RAPGEF3: variants seen among roughly 807,000 people sequenced by gnomAD.
RAPGEF3 encodes the protein Rap guanine nucleotide exchange factor 3.
In RAPGEF3, 103 loss-of-function variants were observed where a neutral mutation model predicts 129.8. That is an observed-to-expected ratio of 0.79 (90% confidence interval 0.68 to 0.93). The LOEUF is 0.93. Among genes scored for constraint, RAPGEF3 ranks in the 40% least tolerant of loss-of-function variants. The pLI, the probability that RAPGEF3 is intolerant of heterozygous loss-of-function variation, is 0.00. For synonymous variants in RAPGEF3, 436 were observed against 482.6 expected, an observed-to-expected ratio of 0.90 and a Z score of 1.26; for missense variants, 1,117 against 1,207.4, an observed-to-expected ratio of 0.93 and a Z score of 1.11.
intron 23 of RAPGEF3, 136 bp from the exon 24 acceptor site, chr12:47,739,366 C>T: frequency 1.3e-6 from 1 of 741,150 alleles, no homozygotes; most frequent in Non-Finnish European, 2.4e-6. Flanking sequence ...AGCCCCAGGT[C>T]TCACCCAGGC....
At chr12:47,752,004 G>A in intron 2 of RAPGEF3, 35 bp from the exon 3 acceptor site, 1 of 1,610,940 alleles carries the variant, frequency 6.2e-7, no homozygotes, top group Non-Finnish European at 8.5e-7. Context: ...ACATCAGTGT[G>A]AGGTCTTCAA....
chr12:47,737,926 C>A, intron 27 of RAPGEF3, 96 bp downstream of exon 27: 1 of 1,454,480 alleles, frequency 6.9e-7, no homozygotes, highest in Admixed American at 1.7e-5. Context: ...GGCCGGGCTC[C>A]GTGCCTGGCA....
chr12:47,738,036 G>T lies in RAPGEF3; in HGVS notation c.2639C>A (p.Ala880Glu). The T allele has an allele frequency of 1.4e-6, 2 of 1,477,372 alleles. No individual in the cohort carries two copies. The highest frequency in any genetic ancestry group is 1.8e-6 in the Non-Finnish European group (2 of 1,093,614). 91.5% of individuals were successfully genotyped at this position (1,477,372 alleles called of 1,614,324 possible). A position where few individuals can be genotyped will look rare whatever the true frequency, so the allele number is the denominator to read the frequency against. Residue 880 changes from alanine to glutamate, a missense_variant, in exon 27 of 28, where the codon GCG (alanine) becomes GAG (glutamate). Ala to Glu is a moderately radical substitution (Grantham distance 107). This residue lies in a region of RAPGEF3 where 643 missense variants were observed against 673.4 expected (regional missense o/e 0.95). Coordinates refer to ENST00000449771, the MANE Select transcript of RAPGEF3 (RefSeq NM_001098531.4). ...CCACCACTTACATGTGGAAATCCTCGCCACCTGGCTGTCCTCGTGGAGGTG... is the reference window on the plus strand; with the variant it reads ...CCACCACTTACATGTGGAAATCCTCTCCACCTGGCTGTCCTCGTGGAGGTG... Reference protein sequence around the residue: ...VSHLHEDSQVARISTCSEQSL... With the variant: ...VSHLHEDSQVERISTCSEQSL...
In RAPGEF3 at chr12:47,749,431, A is replaced by T. The variant is rs746964989; in HGVS notation, c.1000T>A (p.Phe334Ile). 6.2e-7 allele frequency: 1 copy of T among 1,613,388 alleles called. No individual in the cohort carries two copies. Among genetic ancestry groups the T allele is most frequent in the South Asian group, 1.1e-5 (1 of 91,080 alleles). Reference sequence around the variant, plus strand: ...AAGTCCTGCTTGTCCACACGCAGGAAATGACAGTTGTCTTCTCGCAGGATG... The same window carrying T: ...AAGTCCTGCTTGTCCACACGCAGGATATGACAGTTGTCTTCTCGCAGGATG... ...TIILREDNCH[F>I]LRVDKQDFNR... is the part of the protein sequence containing the mutation. Residue 334 changes from phenylalanine to isoleucine, a missense_variant, in exon 10 of 28, where the codon TTC becomes ATC. Transcript: ENST00000449771. The surrounding 1 kb of genome is among the most constrained non-coding windows in gnomAD (Gnocchi z 4.5).
Position 47,739,163 on chromosome 12 carries a change from A to T in RAPGEF3, c.2441T>A (p.Phe814Tyr). Reference sequence around the variant, plus strand: ...GTTACCTTTGAGAAGAAGGGGCATGAAGGGGATGACAGGAGGGGAGAGCTT... The same window carrying T: ...GTTACCTTTGAGAAGAAGGGGCATGTAGGGGATGACAGGAGGGGAGAGCTT... ...LAKLSPPVIPFMPLLLKDMTF... is the reference protein window; with the variant it reads ...LAKLSPPVIPYMPLLLKDMTF... The change falls in exon 24 of 28, where the codon TTC (phenylalanine) becomes TAC (tyrosine). Residue 814 changes from phenylalanine (F) to tyrosine (Y), a missense_variant. Around this residue, in one of 3 missense-constraint regions of RAPGEF3, gnomAD observed 643 missense variants for 673.4 expected, o/e 0.95. Transcript: ENST00000449771. The T allele has an allele frequency of 6.2e-7, 1 of 1,605,250 alleles. No individual in the cohort carries two copies. The highest frequency in any genetic ancestry group is 8.5e-7 in the Non-Finnish European group (1 of 1,175,734).
intron 2 of RAPGEF3, chr12:47,756,560 C>T (rs991363478): frequency 6.6e-6 from 1 of 152,200 alleles, no homozygotes; most frequent in African/African-American, 2.4e-5. Context: ...AGGAGCCCCT[C>T]ATCTTGGTAG....
rs1335279111 is a variant in RAPGEF3 at position 47,739,209 on chromosome 12, C to T, written c.2395G>A (p.Val799Ile). ...RLLDPSWNHR[V>I]YRLALAKLSP... Reference sequence around the variant, plus strand: ...AGCTTGGCGAGGGCCAGTCGGTATACCCGGTGGTTCCATGAGGGATCCTAG... The same window carrying T: ...AGCTTGGCGAGGGCCAGTCGGTATATCCGGTGGTTCCATGAGGGATCCTAG... The change falls in exon 24 of 28, where the codon GTA becomes ATA. Residue 799 changes from valine to isoleucine, a missense_variant. Transcript: ENST00000449771. 4 of 1,611,858 alleles carry T rather than the reference C, an allele frequency of 2.5e-6. No individual in the cohort carries two copies. Among genetic ancestry groups the T allele is most frequent in the Non-Finnish European group, 3.4e-6 (4 of 1,178,464 alleles).
chr12:47,750,131 G>T, intron 7 of RAPGEF3, 141 bp from the exon 8 acceptor site: 1 of 1,173,310 alleles, frequency 8.5e-7, no homozygotes, highest in African/African-American at 1.5e-5. Flanking sequence ...CCAGGATTCA[G>T]CAGGAGACAA....
intron 1 of RAPGEF3, 179 bp from the exon 2 acceptor site, chr12:47,758,257 G>A: frequency 7.0e-7 from 1 of 1,433,024 alleles, no homozygotes; most frequent in Admixed American, 2.8e-5. Context: ...GGGCCTGCCG[G>A]TCTGGCGCAC....
At chr12:47,745,735 T>C (rs1363988337) in intron 16 of RAPGEF3, 1 of 152,154 alleles carries the variant, frequency 6.6e-6, no homozygotes. Context: ...TCACGGGTTG[T>C]TGAACTGCTC....
chr12:47,737,994 T>G, intron 27 of RAPGEF3, 28 bp downstream of exon 27: 266 of 818,652 alleles, frequency 3.2e-4, no homozygotes, highest in Non-Finnish European at 4.8e-4. Context: ...ACCCCCTCCC[T>G]GCCCACCCAC....
intron 27 of RAPGEF3, 143 bp downstream of exon 27, chr12:47,737,879 C>T: frequency 8.1e-7 from 1 of 1,232,168 alleles, no homozygotes; most frequent in South Asian, 1.3e-5. Context: ...TGGCTCAGAG[C>T]ACAGAGGCTG....
At chr12:47,742,961 A>G (rs1009563040) in intron 18 of RAPGEF3, among the ~76,000 whole-genome samples, 1 of 152,228 alleles carries the variant, frequency 6.6e-6, no homozygotes, top group Non-Finnish European at 1.5e-5. Flanking sequence ...AAGACTACTT[A>G]AGTTCCAAGA....
Position 47,734,803 on chromosome 12 carries a change from C to G in RAPGEF3, c.*2764G>C, listed in dbSNP as rs1289313924. On this transcript the variant is annotated 3_prime_UTR_variant, in exon 28 of 28. Coordinates refer to ENST00000449771, the MANE Select transcript of RAPGEF3 (RefSeq NM_001098531.4). ...AAGGCAGACATGCCCCCACCCAGCT[C>G]TAACTCAGTGCTGAGTGGAGGGGGA... 1 of 152,302 alleles carries G rather than the reference C, an allele frequency of 6.6e-6. No homozygotes were observed. The highest frequency in any genetic ancestry group is 2.4e-5 in the African/African-American group (1 of 41,486). 9.4% of individuals were successfully genotyped at this position (152,302 alleles called of 1,614,324 possible). A position where few individuals can be genotyped will look rare whatever the true frequency, so the allele number is the denominator to read the frequency against.
chr12:47,747,211 A>C (rs1941472641), intron 15 of RAPGEF3, among the ~76,000 whole-genome samples: 1 of 152,180 alleles, frequency 6.6e-6, no homozygotes, highest in South Asian at 2.1e-4. Flanking sequence ...ATATCTGCAA[A>C]GGTGAAGGTA....
In RAPGEF3 at chr12:47,747,605, T is replaced by A; in HGVS notation, c.1495A>T (p.Arg499Trp). ...AGCAGGTTGCTGAGTCGGGTGTCCCTGCCCACCAGGTCTGAGAGTTTCTAA... is the reference window on the plus strand; with the variant it reads ...AGCAGGTTGCTGAGTCGGGTGTCCCAGCCCACCAGGTCTGAGAGTTTCTAA... ...FLQKLSDLVG[R>W]DTRLSNLLRE... Residue 499 changes from arginine to tryptophan, a missense_variant, in exon 15 of 28, where the codon AGG (arginine) becomes TGG (tryptophan). Transcript: ENST00000449771. The A allele has an allele frequency of 6.2e-7, 1 of 1,614,116 alleles. No homozygotes were observed. Among genetic ancestry groups the A allele is most frequent in the Non-Finnish European group, 8.5e-7 (1 of 1,179,960 alleles).
At position 47,747,596 on chromosome 12, in the gene RAPGEF3, G is replaced by A. The variant is rs770919870; in HGVS notation, c.1504C>T (p.Arg502Ter). The A allele has an allele frequency of 4.0e-5, 65 of 1,613,954 alleles. 1 individual carries two copies. Among genetic ancestry groups the A allele is most frequent in the South Asian group, 1.5e-4 (14 of 91,090 alleles). The stretch of plus-strand genomic sequence containing the variant: ...TGCTCCCTCAGCAGGTTGCTGAGTC[G>A]GGTGTCCCTGCCCACCAGGTCTGAG... Reference protein sequence around the residue: ...KLSDLVGRDTRLSNLLREQWP... With the variant: ...KLSDLVGRDT Residue 502 changes from arginine (R) to a stop codon, truncating the protein, a stop_gained, in exon 15 of 28, where the codon CGA becomes TGA. Coordinates refer to ENST00000449771, the MANE Select transcript of RAPGEF3 (RefSeq NM_001098531.4). LOFTEE classifies it high-confidence loss of function.
chr12:47,743,607 C>G lies in RAPGEF3; in HGVS notation c.1748G>C (p.Arg583Thr), dbSNP rs773048989. The change falls in exon 18 of 28, where the codon AGA becomes ACA. Residue 583 changes from arginine to threonine, a missense_variant. By Grantham distance (71) the Arg-to-Thr change is moderately conservative. This residue lies in a region of RAPGEF3 where 643 missense variants were observed against 673.4 expected (regional missense o/e 0.95). Coordinates refer to ENST00000449771, the MANE Select transcript of RAPGEF3 (RefSeq NM_001098531.4). ...CTGGGCCAACGCTGCCATCACCTCT[C>G]TCACGGAGGCTGTCACAGGCAGCTG... ...TLQLPVTASV[R>T]EVMAALAQED... The G allele has an allele frequency of 6.2e-7, 1 of 1,614,098 alleles. No homozygotes were observed. The highest frequency in any genetic ancestry group is 8.5e-7 in the Non-Finnish European group (1 of 1,179,908).
intron 15 of RAPGEF3, among the ~76,000 whole-genome samples, chr12:47,747,266 G>C (rs992340395): frequency 6.6e-6 from 1 of 152,210 alleles, no homozygotes; most frequent in African/African-American, 2.4e-5. Flanking sequence ...AGCTGGCACT[G>C]AGGGTATTTG....
Sources: gnomAD v4.1 joint callset for allele counts (sites outside exome capture counted in the v4.1 genomes callset) on GRCh38, gnomAD v4.1.1 for gene constraint, gnomAD v4.1.1 regional missense constraint, Gnocchi (gnomAD v3.1) non-coding constraint, MANE v1.5 for transcripts, NCBI Gene and HGNC (gene_info 2026-07-23, HGNC 2026-07-21) for gene names.